MGAT4C: variants seen among roughly 807,000 people sequenced by gnomAD.
MGAT4C encodes MGAT4 family member C.
In MGAT4C, 19 loss-of-function variants were observed where a neutral mutation model predicts 40.1. The observed-to-expected ratio is 0.47, with a 90% CI of 0.33 to 0.70. The LOEUF (loss-of-function observed/expected upper bound fraction) is 0.70, where lower values mean the gene tolerates loss of function less well. Ranked by LOEUF, MGAT4C falls within the 30% of genes least tolerant of loss-of-function variation. The pLI is 0.02. For missense variants in MGAT4C, 491 were observed against 563.2 expected (o/e 0.87, Z 1.30); for synonymous variants, 181 against 187.1 (o/e 0.97, Z 0.27).
At chr12:86,632,927 T>A (rs986350306) in intron 2 of MGAT4C, among the ~76,000 whole-genome samples, 1 of 152,014 alleles carries the variant, frequency 6.6e-6, no homozygotes, top group Middle Eastern at 3.4e-3. Flanking sequence ...GAAATTTGTG[T>A]GGGAGAAATA....
chr12:86,786,270 A>G (rs1951929663), intron 1 of MGAT4C, among the ~76,000 whole-genome samples: 1 of 152,152 alleles, frequency 6.6e-6, no homozygotes, highest in Non-Finnish European at 1.5e-5. Flanking sequence ...TTGTATCTGT[A>G]GGTTTCTAAC....
intron 2 of MGAT4C, among the ~76,000 whole-genome samples, chr12:85,990,685 TTAA>T (rs1341824400): frequency 3.9e-5 from 6 of 152,092 alleles, no homozygotes; most frequent in African/African-American, 1.2e-4. Flanking sequence ...AATATATGAC[TTAA>T]TAATTATAAG....
chr12:86,117,548 T>C (rs1376497682), intron 1 of MGAT4C, among the ~76,000 whole-genome samples: 3 of 152,086 alleles, frequency 2.0e-5, no homozygotes, highest in African/African-American at 7.2e-5. Flanking sequence ...TGCAGAGATA[T>C]AGGAATGTTA....
chr12:86,346,508 A>C (rs943326140), intron 3 of MGAT4C, among the ~76,000 whole-genome samples: 2 of 152,222 alleles, frequency 1.3e-5, no homozygotes, highest in Non-Finnish European at 2.9e-5. Context: ...TACAGGTGTA[A>C]GCCACAGTGC....
chr12:86,562,340 G>C (rs975838189), intron 2 of MGAT4C, among the ~76,000 whole-genome samples: 2 of 152,124 alleles, frequency 1.3e-5, no homozygotes, highest in African/African-American at 2.4e-5. Context: ...TAAAGTGAGG[G>C]CACTGGTTGG....
intron 4 of MGAT4C, among the ~76,000 whole-genome samples, chr12:86,303,611 T>C (rs541467560): frequency 6.7e-6 from 1 of 149,936 alleles, no homozygotes; most frequent in South Asian, 2.1e-4. Flanking sequence ...AAAAATCAAA[T>C]TCTTTTCTCT....
chr12:86,212,724 TAAAA>T (rs63517761), intron 1 of MGAT4C, among the ~76,000 whole-genome samples: 1 of 107,908 alleles, frequency 9.3e-6, no homozygotes, highest in Admixed American at 9.7e-5. Context: ...CCGTCTCTAC[TAAAA>T]AAAAAAAAAA....
chr12:86,003,452 T>C (rs964781569), intron 2 of MGAT4C, among the ~76,000 whole-genome samples: 18 of 152,156 alleles, frequency 1.2e-4, no homozygotes, highest in Non-Finnish European at 1.8e-4. Context: ...TGATGCCCAT[T>C]ACTTCATATT....
chr12:86,783,444 A>G (rs1489952187), intron 1 of MGAT4C, among the ~76,000 whole-genome samples: 1 of 152,206 alleles, frequency 6.6e-6, no homozygotes, highest in Non-Finnish European at 1.5e-5. Context: ...TTATGAACTC[A>G]TAGAGCTTCT....
At chr12:86,206,076 T>A (rs1566143992) in intron 1 of MGAT4C, among the ~76,000 whole-genome samples, 3 of 152,104 alleles carry the variant, frequency 2.0e-5, no homozygotes, top group Admixed American at 6.5e-5. Context: ...TGCTATGGAA[T>A]GAATGTTTGA....
At chr12:86,737,201 C>T (rs148675033) in intron 1 of MGAT4C, among the ~76,000 whole-genome samples, 423 of 151,372 alleles carry the variant, frequency 2.8e-3, no homozygotes, top group African/African-American at 9.7e-3. Context: ...ATTTTTATCC[C>T]CACAGCTCCA....
rs112902855 is a variant in MGAT4C at position 86,094,286 on chromosome 12, C to A, written c.-56-44563G>T. On this transcript the variant is annotated intron_variant, in intron 1 of 4. Transcript: ENST00000611864. Reference sequence around the variant, plus strand: ...AAGGAACTGTAATCTTGGCATGCCACGATTTTTGTTCCAAAAAATTGACAG... The same window carrying A: ...AAGGAACTGTAATCTTGGCATGCCAAGATTTTTGTTCCAAAAAATTGACAG... 7.9e-5 allele frequency among the ~76,000 whole-genome samples: 12 copies of A among 152,116 alleles called. No homozygotes were observed. The East Asian group carries it at 2.3e-3, about 29-fold the overall frequency.
chr12:86,311,491 A>T (rs1261422852), intron 4 of MGAT4C, among the ~76,000 whole-genome samples: 1 of 151,588 alleles, frequency 6.6e-6, no homozygotes, highest in Non-Finnish European at 1.5e-5. Flanking sequence ...TTTTTTTAAT[A>T]AGAGCCACAC....
At chr12:86,434,474 T>C (rs1957102377) in intron 3 of MGAT4C, among the ~76,000 whole-genome samples, 1 of 151,928 alleles carries the variant, frequency 6.6e-6, no homozygotes, top group Admixed American at 6.6e-5. Context: ...TCAATATTTA[T>C]TGTCATTTTA....
intron 2 of MGAT4C, among the ~76,000 whole-genome samples, chr12:86,006,771 T>G (rs931179998): frequency 6.6e-5 from 10 of 152,154 alleles, no homozygotes; most frequent in African/African-American, 2.4e-4. Flanking sequence ...GCAAGAAACT[T>G]ACTGGGTCAT....
At chr12:86,680,197 A>C (rs1949954804) in intron 2 of MGAT4C, among the ~76,000 whole-genome samples, 1 of 152,082 alleles carries the variant, frequency 6.6e-6, no homozygotes, top group Non-Finnish European at 1.5e-5. Context: ...TGAACCCATA[A>C]TTTTAAATGC....
At chr12:86,633,300 A>G (rs1339102273) in intron 2 of MGAT4C, among the ~76,000 whole-genome samples, 2 of 152,086 alleles carry the variant, frequency 1.3e-5, no homozygotes, top group Non-Finnish European at 2.9e-5. Flanking sequence ...ACCTAATTAT[A>G]AAACACATAA....
rs138219942 is a variant in MGAT4C, at chr12:86,569,515, T to C, written c.-228-134250A>G. ...GTTAGAATGGCTGGGGAATTGTCTT[T>C]TATCAAAAAGACAAAAATACCCCAA... On this transcript the variant is annotated intron_variant, in intron 2 of 7. Transcript: ENST00000548651. Among the ~76,000 whole-genome samples the C allele has an allele frequency of 3.2e-3, 489 of 152,162 alleles. 2 individuals are homozygous for C. The highest frequency in any genetic ancestry group is 0.01 in the African/African-American group (434 of 41,532).
At chr12:86,578,182 G>T (rs918743909) in intron 2 of MGAT4C, among the ~76,000 whole-genome samples, 7 of 151,764 alleles carry the variant, frequency 4.6e-5, no homozygotes, top group African/African-American at 1.4e-4. Context: ...AGTCGAATAG[G>T]AGGGTGAATG....
Sources: allele counts gnomAD v4.1 joint callset (sites outside exome capture counted in the v4.1 genomes callset), GRCh38; gene constraint gnomAD v4.1.1; transcripts MANE v1.5; gene names NCBI Gene and HGNC (gene_info 2026-07-23, HGNC 2026-07-21).